The following PREX1 variants were observed in gnomAD, a reference collection of about 807,000 sequenced individuals.
PREX1 encodes phosphatidylinositol 3,4,5-trisphosphate-dependent Rac exchanger 1 protein.
A neutral mutation model predicts 198.3 loss-of-function variants in PREX1; 41 were observed. That is an observed-to-expected ratio of 0.21 (90% CI 0.16 to 0.27). PREX1 has a LOEUF of 0.27. Ranked by LOEUF, PREX1 falls within the 10% of genes least tolerant of loss-of-function variation. The pLI, the probability that PREX1 is intolerant of heterozygous loss-of-function variation, is 1.00. For missense variants in PREX1, 1,620 were observed against 2,200.7 expected (o/e 0.74, Z 5.28); for synonymous variants, 843 against 887.2 (o/e 0.95, Z 0.89).
the PREX1 span, among the ~76,000 whole-genome samples, chr20:48,842,976 C>T: frequency 6.6e-6 from 1 of 152,090 alleles, no homozygotes. Flanking sequence ...AGCCTGGCAC[C>T]ATTTAGATAA....
At chr20:48,693,622 T>A (rs931063524) in intron 7 of PREX1, among the ~76,000 whole-genome samples, 1 of 152,248 alleles carries the variant, frequency 6.6e-6, no homozygotes, top group African/African-American at 2.4e-5. Context: ...ATTTTATTTT[T>A]TTGAGATGGA....
In PREX1 at chr20:48,625,738, G is replaced by T. The variant is rs1328072205; in HGVS notation, c.*147C>A. On this transcript the variant is annotated 3_prime_UTR_variant, in exon 40 of 40. Transcript: ENST00000371941. ...AGCGAGGGTGGCCAGGCTTGTCCCG[G>T]AAGGAGGCAGGGAGGACGCTGGGCA... 2 of 1,004,242 alleles carry T rather than the reference G, an allele frequency of 2.0e-6. No homozygotes were observed. Among genetic ancestry groups the T allele is most frequent in the African/African-American group, 1.7e-5 (1 of 58,180 alleles). 62.2% of individuals were successfully genotyped at this position (1,004,242 alleles called of 1,614,324 possible). A position where few individuals can be genotyped will look rare whatever the true frequency, so the allele number is the denominator to read the frequency against.
At chr20:48,832,758 T>C (rs995090283), upstream of PREX1, among the ~76,000 whole-genome samples, 2 of 152,212 alleles carry the variant, frequency 1.3e-5, no homozygotes, top group Non-Finnish European at 2.9e-5. Flanking sequence ...GCCTTGCTGT[T>C]GGAAGCACAT....
At chr20:48,764,326 A>C (rs1324925232) in intron 1 of PREX1, among the ~76,000 whole-genome samples, 1 of 152,190 alleles carries the variant, frequency 6.6e-6, no homozygotes, top group Non-Finnish European at 1.5e-5. Flanking sequence ...GGGCTGAACA[A>C]TAATCCCTCA....
chr20:48,679,518 T>A, intron 12 of PREX1, 109 bp from the exon 13 acceptor site: 1 of 1,397,374 alleles, frequency 7.2e-7, no homozygotes, highest in Non-Finnish European at 1.0e-6. Context: ...GGCAGGGTAA[T>A]GGGGGCAGGG....
At chr20:48,651,823 C>T (rs1171822851) in intron 21 of PREX1, among the ~76,000 whole-genome samples, 1 of 152,196 alleles carries the variant, frequency 6.6e-6, no homozygotes, top group African/African-American at 2.4e-5. Context: ...CAGAGGGAGC[C>T]ATCGGAAGGT....
intron 11 of PREX1, among the ~76,000 whole-genome samples, chr20:48,680,058 C>A (rs962584560): frequency 5.3e-5 from 8 of 152,192 alleles, no homozygotes; most frequent in Non-Finnish European, 8.8e-5. Context: ...TGCCCCTGAT[C>A]CAGCCTGCAC....
chr20:48,732,059 T>C (rs888053210), intron 4 of PREX1, among the ~76,000 whole-genome samples: 3 of 152,230 alleles, frequency 2.0e-5, no homozygotes, highest in Non-Finnish European at 2.9e-5. Flanking sequence ...AATGCAGACA[T>C]GGCCATTTCT....
chr20:48,846,507 C>T, the PREX1 span, among the ~76,000 whole-genome samples: 1 of 152,092 alleles, frequency 6.6e-6, no homozygotes, highest in Non-Finnish European at 1.5e-5. Context: ...ACAACCACTC[C>T]CCTTGAAAAC....
chr20:48,731,706 G>A (rs1406806961), intron 4 of PREX1, among the ~76,000 whole-genome samples: 1 of 152,194 alleles, frequency 6.6e-6, no homozygotes, highest in Non-Finnish European at 1.5e-5. Context: ...TTCTGCACGT[G>A]GCCAAAAGCT....
intron 11 of PREX1, among the ~76,000 whole-genome samples, chr20:48,679,982 C>G (rs953819867): frequency 6.6e-6 from 1 of 152,174 alleles, no homozygotes; most frequent in South Asian, 2.1e-4. Flanking sequence ...CCTCCTGCTA[C>G]GTGCAGGACC....
intron 21 of PREX1, among the ~76,000 whole-genome samples, chr20:48,652,219 C>T (rs904059759): frequency 3.9e-5 from 6 of 152,112 alleles, no homozygotes; most frequent in African/African-American, 1.4e-4. Context: ...ATTGCTTCAG[C>T]CCAGGAGTTA....
intron 2 of PREX1, among the ~76,000 whole-genome samples, chr20:48,746,243 G>C (rs930536189): frequency 9.2e-5 from 14 of 152,084 alleles, no homozygotes; most frequent in African/African-American, 3.4e-4. Flanking sequence ...GGCTGGTTTC[G>C]AACTCCTGAG....
chr20:48,824,758 T>G (rs942714174), intron 1 of PREX1, among the ~76,000 whole-genome samples: 5 of 152,130 alleles, frequency 3.3e-5, no homozygotes, highest in African/African-American at 4.8e-5. Flanking sequence ...AGCCTTGCAC[T>G]TGGATTGTTT....
chr20:48,651,372 G>C, intron 22 of PREX1, 24 bp downstream of exon 22: 1 of 1,579,966 alleles, frequency 6.3e-7, no homozygotes, highest in Middle Eastern at 1.8e-4. Flanking sequence ...GGGTAGGGCA[G>C]GGCCAGGCAG....
chr20:48,846,711 C>T, the PREX1 span, among the ~76,000 whole-genome samples: 2 of 152,140 alleles, frequency 1.3e-5, no homozygotes, highest in East Asian at 3.9e-4. Context: ...TGCTCCCCAG[C>T]CAAAGGTGGC....
At chr20:48,707,384 C>T (rs927389411) in intron 6 of PREX1, among the ~76,000 whole-genome samples, 1 of 152,190 alleles carries the variant, frequency 6.6e-6, no homozygotes, top group Admixed American at 6.5e-5. Flanking sequence ...AATATCCACC[C>T]CTCCCTGAAT....
At chr20:48,800,751 G>A (rs184208589) in intron 1 of PREX1, among the ~76,000 whole-genome samples, 2 of 152,238 alleles carry the variant, frequency 1.3e-5, no homozygotes, top group Non-Finnish European at 2.9e-5. Context: ...TACTGAACAC[G>A]GGCCTTTATA....
the PREX1 span, among the ~76,000 whole-genome samples, chr20:48,844,203 A>C: frequency 6.6e-6 from 1 of 152,192 alleles, no homozygotes; most frequent in African/African-American, 2.4e-5. Context: ...AGCACTCAGC[A>C]CAGTGATATT....
Sources: allele counts gnomAD v4.1 joint callset (sites outside exome capture counted in the v4.1 genomes callset), GRCh38; gene constraint gnomAD v4.1.1; transcripts MANE v1.5; gene names NCBI Gene and HGNC (gene_info 2026-07-23, HGNC 2026-07-21).